The following SCN3A variants were observed in gnomAD, a reference collection of about 807,000 sequenced individuals.
SCN3A encodes sodium voltage-gated channel alpha subunit 3, also known as sodium channel protein type 3 subunit alpha.
In SCN3A, 60 loss-of-function variants were observed where a neutral mutation model predicts 187.6. That is an observed-to-expected ratio of 0.32 (90% CI 0.26 to 0.40). SCN3A has a LOEUF of 0.40. Among genes scored for constraint, SCN3A ranks in the 10% least tolerant of loss-of-function variants. The probability of loss-of-function intolerance (pLI) is 1.00; values close to 1 mark genes in which losing one functional copy is unlikely to be tolerated. For synonymous variants in SCN3A, 788 were observed against 829.2 expected (o/e 0.95, Z 0.85); for missense variants, 1,601 against 2,428.2 (o/e 0.66, Z 7.16).
At chr2:165,139,644 C>T (rs1687880321) in intron 13 of SCN3A, 36 bp from the exon 14 acceptor site, 1 of 1,612,682 alleles carries the variant, frequency 6.2e-7, no homozygotes, top group Admixed American at 1.7e-5. Flanking sequence ...AACCACTCTT[C>T]CCAATAAGTA....
chr2:165,165,554 TAA>T (rs1260456630), intron 5 of SCN3A, among the ~76,000 whole-genome samples: 1 of 152,208 alleles, frequency 6.6e-6, no homozygotes, highest in African/African-American at 2.4e-5. Context: ...CTTGACAATA[TAA>T]GTTATTGCTG....
chr2:165,092,297 G>A lies in SCN3A; in HGVS notation c.4764C>T (p.Gly1588=), dbSNP rs564019672. 13 of 1,613,946 alleles carry A rather than the reference G, an allele frequency of 8.1e-6. No individual in the cohort carries two copies. Among genetic ancestry groups the A allele is most frequent in the Non-Finnish European group, 1.1e-5 (13 of 1,179,908 alleles). The change falls in exon 27 of 28, where the codon GGC becomes GGT. Residue 1588 remains glycine, a synonymous_variant. Transcript: ENST00000283254. The surrounding 1 kb of genome is among the most constrained non-coding windows in gnomAD (Gnocchi z 4.2). The part of the protein sequence containing the change: ...VSLRHYYFTI[G]WNIFDFVVVI... ...CCACCACAAAGTCAAAGATGTTCCAGCCTATAGTGAAGTAGTAGTGTCTGA... is the reference window on the plus strand; with the variant it reads ...CCACCACAAAGTCAAAGATGTTCCAACCTATAGTGAAGTAGTAGTGTCTGA...
In SCN3A at chr2:165,163,679, A is replaced by G. The variant is rs757141828; in HGVS notation, c.633T>C (p.Asn211=). The G allele has an allele frequency of 1.7e-5, 27 of 1,613,980 alleles. No homozygotes were observed. Among genetic ancestry groups the G allele is most frequent in the Middle Eastern group, 1.6e-4 (1 of 6,084 alleles). ...AYVTEFVDLG[N]VSALRTFRVL... Reference sequence around the variant, plus strand: ...CTCTGAATGTTCTCAACGCTGAGACATTGCCCAGGTCCACAAACTCTGTCA... The same window carrying G: ...CTCTGAATGTTCTCAACGCTGAGACGTTGCCCAGGTCCACAAACTCTGTCA... The change falls in exon 7 of 28, where the codon AAT becomes AAC. Residue 211 remains asparagine, a synonymous_variant. Transcript: ENST00000283254.
chr2:165,104,894 C>A (rs1685772307), intron 21 of SCN3A, among the ~76,000 whole-genome samples: 1 of 152,024 alleles, frequency 6.6e-6, no homozygotes, highest in South Asian at 2.1e-4. Flanking sequence ...AGAAGAAAAG[C>A]AAAGGAATAC....
Position 165,113,661 on chromosome 2 carries a change from C to T in SCN3A, c.3669+155G>A, listed in dbSNP as rs367908262. 3.3e-5 allele frequency among the ~76,000 whole-genome samples: 5 copies of T among 152,276 alleles called. No individual in the cohort carries two copies. In the East Asian group the frequency reaches 9.6e-4, roughly 29 times the overall value. On this transcript the variant is annotated intron_variant, in intron 20 of 27. Coordinates refer to ENST00000283254, the MANE Select transcript of SCN3A (RefSeq NM_006922.4). ...TTTCATGGTGCTGATTTGTTCAGAACTGAATTTTGCATCGTTAAACCTTGG... is the reference window on the plus strand; with the variant it reads ...TTTCATGGTGCTGATTTGTTCAGAATTGAATTTTGCATCGTTAAACCTTGG...
chr2:165,154,259 A>G (rs1006197040), intron 11 of SCN3A, among the ~76,000 whole-genome samples, 193 bp downstream of exon 11: 1 of 152,208 alleles, frequency 6.6e-6, no homozygotes, highest in Non-Finnish European at 1.5e-5. Flanking sequence ...TGATTTCTTT[A>G]TATACAGTGG....
At chr2:165,178,424 G>A (rs1474580773) in intron 2 of SCN3A, among the ~76,000 whole-genome samples, 3 of 152,018 alleles carry the variant, frequency 2.0e-5, no homozygotes, top group Non-Finnish European at 4.4e-5. Flanking sequence ...TGAGGTTTCA[G>A]TCGCCATTTT....
intron 2 of SCN3A, among the ~76,000 whole-genome samples, chr2:165,178,916 T>C (rs1185473502): frequency 6.6e-6 from 1 of 152,184 alleles, no homozygotes; most frequent in Non-Finnish European, 1.5e-5. Flanking sequence ...AACTCTAAGC[T>C]GTGTGGAATA....
Position 165,168,742 on chromosome 2 carries a change from T to A in SCN3A, c.467A>T (p.Asn156Ile), listed in dbSNP as rs770614923. ...AGAAGTTATTCCTACTTACTCTACA[T>A]TCTTTGTCCAGTCAGGAGGGTTGCT... ...TLSNPPDWTK[N>I]VEYTFTGIYT... The change falls in exon 5 of 28, where the codon AAT becomes ATT. Residue 156 changes from asparagine to isoleucine, a missense_variant. Asn to Ile is a moderately radical substitution (Grantham distance 149, BLOSUM62 -3). Transcript: ENST00000283254. The A allele has an allele frequency of 6.2e-7, 1 of 1,604,932 alleles. No individual in the cohort carries two copies. The highest frequency in any genetic ancestry group is 1.1e-5 in the South Asian group (1 of 90,918).
intron 11 of SCN3A, among the ~76,000 whole-genome samples, chr2:165,151,983 A>G (rs772585316): frequency 1.3e-5 from 2 of 152,204 alleles, no homozygotes; most frequent in Non-Finnish European, 2.9e-5. Flanking sequence ...AATAAATGGT[A>G]TGCTGGTCCT....
At chr2:165,178,257 C>T (rs546416167) in intron 2 of SCN3A, among the ~76,000 whole-genome samples, 1 of 152,120 alleles carries the variant, frequency 6.6e-6, no homozygotes, top group South Asian at 2.1e-4. Context: ...GACAGGGTCT[C>T]ACTCTGTCAC....
chr2:165,092,495 A>G lies in SCN3A; in HGVS notation c.4566T>C (p.Phe1522=). The G allele has an allele frequency of 5.0e-6, 8 of 1,613,740 alleles. No individual in the cohort carries two copies. The highest frequency in any genetic ancestry group is 5.9e-6 in the Non-Finnish European group (7 of 1,179,712). The change falls in exon 27 of 28, where the codon TTT becomes TTC. Residue 1522 remains phenylalanine (F), a synonymous_variant. Transcript: ENST00000283254. The surrounding 1 kb of genome is among the most constrained non-coding windows in gnomAD (Gnocchi z 4.2). ...TGATATCAAAGACTTGTCTGGTTAC[A>G]AAATCAAAGACCATTCCTTGGAATT... ...ANKFQGMVFD[F]VTRQVFDISI... is the part of the protein sequence containing the mutation.
At chr2:165,136,420 C>T (rs983973083) in intron 15 of SCN3A, among the ~76,000 whole-genome samples, 3 of 152,194 alleles carry the variant, frequency 2.0e-5, no homozygotes, top group Non-Finnish European at 2.9e-5. Context: ...TTATTGAGCA[C>T]ATGCTAGATG....
In SCN3A at chr2:165,131,371, G is replaced by A. The variant is rs1687304615; in HGVS notation, c.2438C>T (p.Ala813Val). The A allele has an allele frequency of 6.2e-7, 1 of 1,606,158 alleles. No individual in the cohort carries two copies. Among genetic ancestry groups the A allele is most frequent in the East Asian group, 2.2e-5 (1 of 44,512 alleles). The change falls in exon 16 of 28, where the codon GCC becomes GTC. Residue 813 changes from alanine to valine, a missense_variant. Ala to Val is a moderately conservative substitution (Grantham distance 64). Transcript: ENST00000283254. Reference sequence around the variant, plus strand: ...TTGGAAATAGTAATAAGGATCCATGGCAATGATCTTGAGAACCATTTCTGC... The same window carrying A: ...TTGGAAATAGTAATAAGGATCCATGACAATGATCTTGAGAACCATTTCTGC... ...FTAEMVLKII[A>V]MDPYYYFQEG...
rs775033633 is a variant in SCN3A at position 165,139,849 on chromosome 2, A to G, written c.2020-241T>C. 12 of 492,884 alleles carry G rather than the reference A, an allele frequency of 2.4e-5. No individual in the cohort carries two copies. In the Admixed American group the frequency reaches 4.3e-4, roughly 18 times the overall value. 30.5% of individuals were successfully genotyped at this position (492,884 alleles called of 1,614,324 possible). A position where few individuals can be genotyped will look rare whatever the true frequency, so the allele number is the denominator to read the frequency against. On this transcript the variant is annotated intron_variant, in intron 13 of 27. Coordinates refer to ENST00000283254, the MANE Select transcript of SCN3A (RefSeq NM_006922.4). Reference sequence around the variant, plus strand: ...CAGTTTTATAACACAATTATATTACAGAACTATTTTAATTAACCTGTCACA... The same window carrying G: ...CAGTTTTATAACACAATTATATTACGGAACTATTTTAATTAACCTGTCACA...
At chr2:165,100,114 CA>C (rs1282229401) in intron 22 of SCN3A, among the ~76,000 whole-genome samples, 187 bp downstream of exon 22, 1 of 152,154 alleles carries the variant, frequency 6.6e-6, no homozygotes, top group Non-Finnish European at 1.5e-5. Flanking sequence ...TCTGTCCTCC[CA>C]AAATTCTGAG....
intron 21 of SCN3A, among the ~76,000 whole-genome samples, chr2:165,111,386 C>T (rs1473415281): frequency 2.0e-5 from 3 of 151,582 alleles, no homozygotes; most frequent in Non-Finnish European, 4.4e-5. Flanking sequence ...TCTTTTTGAA[C>T]CAGAAAGGAT....
intron 5 of SCN3A, among the ~76,000 whole-genome samples, chr2:165,167,640 A>C (rs1465779226): frequency 6.6e-6 from 1 of 152,148 alleles, no homozygotes; most frequent in Non-Finnish European, 1.5e-5. Flanking sequence ...TGTTTCTTTG[A>C]TGCAAATAAC....
At chr2:165,137,117 T>C (rs1273438592) in intron 15 of SCN3A, among the ~76,000 whole-genome samples, 1 of 152,114 alleles carries the variant, frequency 6.6e-6, no homozygotes, top group Admixed American at 6.6e-5. Flanking sequence ...TAAAGACAAA[T>C]GATGCAGTGA....
Sources: gnomAD v4.1 joint callset for allele counts (sites outside exome capture counted in the v4.1 genomes callset) on GRCh38, gnomAD v4.1.1 for gene constraint, Gnocchi (gnomAD v3.1) non-coding constraint, MANE v1.5 for transcripts, NCBI Gene and HGNC (gene_info 2026-07-23, HGNC 2026-07-21) for gene names.